The following PTBP2 variants were observed in gnomAD, a reference collection of about 807,000 sequenced individuals.
PTBP2 encodes the protein polypyrimidine tract-binding protein 2.
PTBP2 carries 13 observed loss-of-function variants against 61.4 expected under a neutral mutation model. That is an observed-to-expected ratio of 0.21 (90% CI 0.14 to 0.34). PTBP2 has a LOEUF of 0.34. Ranked by LOEUF, PTBP2 falls within the 10% of genes least tolerant of loss-of-function variation. The pLI, the probability that PTBP2 is intolerant of heterozygous loss-of-function variation, is 1.00. For missense variants in PTBP2, 405 were observed against 642.6 expected, an observed-to-expected ratio of 0.63 and a Z score of 4.00; for synonymous variants, 215 against 218.5, an observed-to-expected ratio of 0.98 and a Z score of 0.14.
rs983333965 is a variant in PTBP2, at chr1:96,814,642, G to A, written c.*1237G>A. Reference sequence around the variant, plus strand: ...TAAATGACCAATACTTTTTGAAATTGATGTACTTAGTTTCAAGATTCATAG... The same window carrying A: ...TAAATGACCAATACTTTTTGAAATTAATGTACTTAGTTTCAAGATTCATAG... On this transcript the variant is annotated 3_prime_UTR_variant, in exon 14 of 14. Transcript: ENST00000674951. The A allele has an allele frequency of 6.6e-6, 1 of 152,466 alleles. No individual in the cohort carries two copies. The highest frequency in any genetic ancestry group is 2.4e-5 in the African/African-American group (1 of 41,420). 9.4% of individuals were successfully genotyped at this position (152,466 alleles called of 1,614,324 possible).
chr1:96,761,209 A>G (rs1194465407), intron 3 of PTBP2, among the ~76,000 whole-genome samples: 3 of 152,302 alleles, frequency 2.0e-5, no homozygotes, highest in Non-Finnish European at 2.9e-5. Context: ...TGCAAAACAA[A>G]TCCAAAAGTT....
intron 2 of PTBP2, among the ~76,000 whole-genome samples, chr1:96,736,316 A>G (rs1288908929): frequency 1.3e-5 from 2 of 152,224 alleles, no homozygotes; most frequent in East Asian, 3.9e-4. Context: ...GAGTAAATCT[A>G]ATTACTGACC....
intron 8 of PTBP2, 90 bp from the exon 9 acceptor site, chr1:96,804,710 C>A: frequency 7.7e-7 from 1 of 1,304,402 alleles, no homozygotes; most frequent in Non-Finnish European, 1.1e-6. Flanking sequence ...GTAAGCCATG[C>A]AGCCATCGTG....
At chr1:96,797,799 T>C (rs1660540964) in intron 8 of PTBP2, among the ~76,000 whole-genome samples, 1 of 152,220 alleles carries the variant, frequency 6.6e-6, no homozygotes, top group Admixed American at 6.5e-5. Context: ...GTTTAGGGAA[T>C]AATGACAAGA....
chr1:96,812,103 A>C (rs1165075289), intron 11 of PTBP2, among the ~76,000 whole-genome samples: 3 of 152,224 alleles, frequency 2.0e-5, no homozygotes, highest in Non-Finnish European at 2.9e-5. Context: ...AAGGATACTC[A>C]ACCTGTACAG....
intron 4 of PTBP2, 140 bp from the exon 5 acceptor site, chr1:96,770,568 A>G (rs568331862): frequency 1.2e-6 from 1 of 804,618 alleles, no homozygotes; most frequent in South Asian, 1.8e-5. Context: ...AGAGATTTCT[A>G]ATTCTGCTTA....
chr1:96,750,657 A>T (rs1403519281), intron 2 of PTBP2, among the ~76,000 whole-genome samples: 2 of 151,934 alleles, frequency 1.3e-5, no homozygotes, highest in Non-Finnish European at 2.9e-5. Context: ...CTGATTTTTT[A>T]AATCAGCCAG....
chr1:96,817,450 A>C (rs1291546340), downstream of PTBP2: 3 of 152,094 alleles, frequency 2.0e-5, no homozygotes, highest in African/African-American at 7.2e-5. Flanking sequence ...TGTTATTTTG[A>C]ATAGCTTCCC....
intron 8 of PTBP2, among the ~76,000 whole-genome samples, chr1:96,792,064 C>G (rs1659903200): frequency 1.3e-5 from 2 of 151,874 alleles, no homozygotes; most frequent in African/African-American, 4.8e-5. Context: ...GTCTTGATCT[C>G]CTGACCTCCT....
intron 2 of PTBP2, among the ~76,000 whole-genome samples, chr1:96,748,010 G>C (rs1395850842): frequency 1.3e-5 from 2 of 151,796 alleles, no homozygotes; most frequent in Non-Finnish European, 2.9e-5. Flanking sequence ...GTGGTATTCA[G>C]TCCACTTCTT....
intron 2 of PTBP2, among the ~76,000 whole-genome samples, chr1:96,733,351 G>C (rs944801794): frequency 1.8e-4 from 28 of 152,240 alleles, no homozygotes; most frequent in African/African-American, 6.7e-4. Flanking sequence ...ACAAATTAAT[G>C]AAGTGGCAAC....
chr1:96,760,071 C>T (rs898928835), intron 3 of PTBP2, among the ~76,000 whole-genome samples: 1 of 152,086 alleles, frequency 6.6e-6, no homozygotes, highest in African/African-American at 2.4e-5. Context: ...AGTTAACTCC[C>T]ACCAGGTCCC....
At chr1:96,794,220 G>A (rs1162325189) in intron 8 of PTBP2, among the ~76,000 whole-genome samples, 2 of 152,112 alleles carry the variant, frequency 1.3e-5, no homozygotes, top group African/African-American at 4.8e-5. Context: ...TATTTTTAAG[G>A]CCAAACAGCC....
exon 14 of PTBP2, chr1:96,822,474 C>T (rs2101326858): frequency 6.6e-6 from 1 of 152,208 alleles, no homozygotes; most frequent in African/African-American, 2.4e-5. Context: ...TGTTTGGGCT[C>T]CACTAGGGTT....
At chr1:96,795,094 G>C (rs61786413) in intron 8 of PTBP2, among the ~76,000 whole-genome samples, 5,501 of 152,188 alleles carry the variant, frequency 0.036, 124 homozygotes, top group Non-Finnish European at 0.056. Context: ...ATGAAAGCGG[G>C]GGATGAGTTA....
At chr1:96,739,135 A>G (rs1247790264) in intron 2 of PTBP2, among the ~76,000 whole-genome samples, 1 of 152,148 alleles carries the variant, frequency 6.6e-6, no homozygotes, top group Non-Finnish European at 1.5e-5. Context: ...TGATGGGATT[A>G]GTTTTTTGTA....
chr1:96,801,332 A>G lies in PTBP2; in HGVS notation c.905-3468A>G, dbSNP rs931917119. Among the ~76,000 whole-genome samples, 6 of 152,082 alleles carry G rather than the reference A, an allele frequency of 3.9e-5. No homozygotes were observed. In the East Asian group the frequency reaches 9.6e-4, roughly 24 times the overall value. ...GTAAATGTATCTTTTTAAATTCCTT[A>G]GTAATTTTTGAGCACTCCATATGTA... is the stretch of plus-strand genomic sequence containing the variant. On this transcript the variant is annotated intron_variant, in intron 8 of 13. Coordinates refer to ENST00000674951, the MANE Select transcript of PTBP2 (RefSeq NM_021190.4).
chr1:96,785,329 C>A, intron 8 of PTBP2, 75 bp downstream of exon 8: 1 of 1,209,914 alleles, frequency 8.3e-7, no homozygotes, highest in Non-Finnish European at 1.1e-6. Context: ...ATAATGAATC[C>A]CCCCATTTTG....
intron 2 of PTBP2, among the ~76,000 whole-genome samples, chr1:96,731,403 T>C (rs1651395211): frequency 1.3e-5 from 2 of 152,174 alleles, no homozygotes; most frequent in African/African-American, 4.8e-5. Context: ...TATTTTGAAA[T>C]GGGTGAGGTT....
Sources: gnomAD v4.1 joint callset for allele counts (sites outside exome capture counted in the v4.1 genomes callset) on GRCh38, gnomAD v4.1.1 for gene constraint, MANE v1.5 for transcripts, NCBI Gene and HGNC (gene_info 2026-07-23, HGNC 2026-07-21) for gene names.